The following NKAIN3 variants were observed in gnomAD, a reference collection of about 807,000 sequenced individuals.
NKAIN3 encodes sodium/potassium transporting ATPase interacting 3.
In NKAIN3, 25 loss-of-function variants were observed where a neutral mutation model predicts 30.2. The observed-to-expected ratio is 0.83, with a 90% CI of 0.60 to 1.16. NKAIN3 has a LOEUF of 1.16. NKAIN3 is among the 50% of genes most tolerant of loss of function. The pLI is 0.00. For synonymous variants in NKAIN3, 91 were observed against 89.6 expected (o/e 1.02, Z -0.09); for missense variants, 225 against 254.1 (o/e 0.89, Z 0.78).
At chr8:62,418,201 G>C (rs1804513313) in intron 1 of NKAIN3, among the ~76,000 whole-genome samples, 1 of 152,142 alleles carries the variant, frequency 6.6e-6, no homozygotes, top group Non-Finnish European at 1.5e-5. Flanking sequence ...GGAGTAAAGG[G>C]TACCTGTGTG....
At chr8:62,463,874 C>G (rs1806073162) in intron 1 of NKAIN3, among the ~76,000 whole-genome samples, 1 of 152,058 alleles carries the variant, frequency 6.6e-6, no homozygotes, top group Non-Finnish European at 1.5e-5. Context: ...AATATTGTCT[C>G]TATGAAAATA....
intron 1 of NKAIN3, among the ~76,000 whole-genome samples, chr8:62,406,225 A>G (rs940874634): frequency 2.0e-5 from 3 of 152,230 alleles, no homozygotes; most frequent in Non-Finnish European, 4.4e-5. Context: ...GGCAACTATT[A>G]AATACTTAGT....
intron 3 of NKAIN3, among the ~76,000 whole-genome samples, chr8:62,690,326 C>G (rs1813927062): frequency 6.6e-6 from 1 of 152,326 alleles, no homozygotes; most frequent in African/African-American, 2.4e-5. Flanking sequence ...GACTACACAC[C>G]TTCCTCAGCA....
chr8:62,851,559 G>T lies in NKAIN3; in HGVS notation c.472-66894G>T, dbSNP rs1032481940. On this transcript the variant is annotated intron_variant, in intron 4 of 6. Coordinates refer to ENST00000623646, the MANE Select transcript of NKAIN3 (RefSeq NM_001304533.3). Reference sequence around the variant, plus strand: ...CGGTTTTCAAAGGGAATGCTTCCAGGTTTTGCCCATTCAATATGATATTGG... The same window carrying T: ...CGGTTTTCAAAGGGAATGCTTCCAGTTTTTGCCCATTCAATATGATATTGG... 6.6e-5 allele frequency among the ~76,000 whole-genome samples: 10 copies of T among 152,104 alleles called. No homozygotes were observed. The South Asian group carries it at 1.2e-3, about 19-fold the overall frequency.
At chr8:62,524,475 A>G (rs927090901) in intron 1 of NKAIN3, among the ~76,000 whole-genome samples, 2 of 152,154 alleles carry the variant, frequency 1.3e-5, no homozygotes, top group Non-Finnish European at 2.9e-5. Context: ...CTGAAGGAAC[A>G]CATTGGCAGT....
chr8:62,528,084 T>C (rs1001531533), intron 1 of NKAIN3, among the ~76,000 whole-genome samples: 1 of 151,178 alleles, frequency 6.6e-6, no homozygotes, highest in Non-Finnish European at 1.5e-5. Context: ...ACACTATCCC[T>C]GATTCCCACA....
At chr8:62,417,062 A>G (rs1804469643) in intron 1 of NKAIN3, among the ~76,000 whole-genome samples, 1 of 151,374 alleles carries the variant, frequency 6.6e-6, no homozygotes, top group African/African-American at 2.4e-5. Context: ...ACTAGATCTT[A>G]TTCATTCTTT....
At position 62,321,250 on chromosome 8, in the gene NKAIN3, G is replaced by A. The variant is rs537042975; in HGVS notation, c.54+72123G>A. On this transcript the variant is annotated intron_variant, in intron 1 of 6. Coordinates refer to ENST00000623646, the MANE Select transcript of NKAIN3 (RefSeq NM_001304533.3). ...GCCATTCATCTAATTTTTTTTCAAA[G>A]TTTTTAACTTCTTTGCCATGGGTTC... Among the ~76,000 whole-genome samples the A allele has an allele frequency of 2.0e-5, 3 of 152,144 alleles. No individual in the cohort carries two copies. In the East Asian group the frequency reaches 5.8e-4, roughly 29 times the overall value.
intron 3 of NKAIN3, among the ~76,000 whole-genome samples, chr8:62,741,327 A>T (rs78389941): frequency 0.022 from 3,328 of 151,988 alleles, 110 homozygotes; most frequent in African/African-American, 0.076. Flanking sequence ...AGAAAGAAAA[A>T]AAAAGAATGA....
At chr8:62,345,124 T>C (rs1815889274) in intron 1 of NKAIN3, among the ~76,000 whole-genome samples, 1 of 151,822 alleles carries the variant, frequency 6.6e-6, no homozygotes, top group Admixed American at 6.6e-5. Flanking sequence ...TATTGGTGTA[T>C]AGAAACTCTA....
intron 4 of NKAIN3, among the ~76,000 whole-genome samples, chr8:62,786,493 T>C (rs1817522873): frequency 3.2e-5 from 1 of 31,662 alleles, no homozygotes; most frequent in Non-Finnish European, 7.0e-5. Flanking sequence ...CATCTCCTCA[T>C]ATAAAGGATT....
At chr8:62,463,768 T>A (rs1268795608) in intron 1 of NKAIN3, among the ~76,000 whole-genome samples, 1 of 152,212 alleles carries the variant, frequency 6.6e-6, no homozygotes, top group African/African-American at 2.4e-5. Context: ...CTATAGTATA[T>A]CTGTGATAAA....
intron 3 of NKAIN3, among the ~76,000 whole-genome samples, chr8:62,683,931 G>T (rs936944891): frequency 6.6e-6 from 1 of 152,064 alleles, no homozygotes; most frequent in African/African-American, 2.4e-5. Context: ...AGATGGATGG[G>T]GTATTGTCAA....
chr8:62,831,680 GA>G (rs966447035), intron 4 of NKAIN3, among the ~76,000 whole-genome samples: 13 of 151,250 alleles, frequency 8.6e-5, no homozygotes, highest in East Asian at 1.9e-4. Context: ...TAAAAATAAA[GA>G]AAAAAAAATT....
chr8:62,898,853 A>C (rs1006120110), intron 4 of NKAIN3, among the ~76,000 whole-genome samples: 1 of 152,058 alleles, frequency 6.6e-6, no homozygotes, highest in Non-Finnish European at 1.5e-5. Flanking sequence ...TACTAACTAG[A>C]ATATATAAGG....
intron 4 of NKAIN3, among the ~76,000 whole-genome samples, chr8:62,916,358 G>C (rs950735423): frequency 6.6e-6 from 1 of 152,188 alleles, no homozygotes; most frequent in Non-Finnish European, 1.5e-5. Flanking sequence ...GGTCATAAGA[G>C]TATAAGTGAT....
At chr8:62,842,751 A>G (rs1904570) in intron 4 of NKAIN3, among the ~76,000 whole-genome samples, 12,647 of 152,190 alleles carry the variant, frequency 0.083, 808 homozygotes, top group East Asian at 0.29. Flanking sequence ...CCAAGAACCC[A>G]TAATGGAGGA....
At chr8:62,871,104 C>G (rs1820628581) in intron 4 of NKAIN3, among the ~76,000 whole-genome samples, 1 of 151,872 alleles carries the variant, frequency 6.6e-6, no homozygotes. Context: ...CACACTCAAG[C>G]TATTAACACA....
chr8:62,945,121 A>C (rs1364550113), intron 5 of NKAIN3, among the ~76,000 whole-genome samples: 1 of 152,182 alleles, frequency 6.6e-6, no homozygotes. Context: ...TCCCTTATAA[A>C]GTTTAACTTG....
Sources: allele counts gnomAD v4.1 joint callset (sites outside exome capture counted in the v4.1 genomes callset), GRCh38; gene constraint gnomAD v4.1.1; transcripts MANE v1.5; gene names NCBI Gene and HGNC (gene_info 2026-07-23, HGNC 2026-07-21).